Variants in KCTD20 observed in about 807,000 individuals in gnomAD.
KCTD20 encodes potassium channel tetramerization domain containing 20, also known as BTB/POZ domain-containing protein KCTD20.
Under a neutral mutation model 39.6 loss-of-function variants are expected in KCTD20, and 30 were observed. That is an observed-to-expected ratio of 0.76 (90% CI 0.57 to 1.03). The LOEUF is 1.03. Ranked by LOEUF, KCTD20 falls within the 50% of genes least tolerant of loss-of-function variation. KCTD20 has a pLI of 0.00. For missense variants in KCTD20, 422 were observed against 522.0 expected, an observed-to-expected ratio of 0.81 and a Z score of 1.87; for synonymous variants, 162 against 180.6, an observed-to-expected ratio of 0.90 and a Z score of 0.83.
intron 2 of KCTD20, among the ~76,000 whole-genome samples, chr6:36,472,445 A>C (rs1015750774): frequency 6.6e-6 from 1 of 152,156 alleles, no homozygotes; most frequent in Non-Finnish European, 1.5e-5. Flanking sequence ...AATCAGACTA[A>C]TTTCCCAGAG....
chr6:36,474,683 T>C lies in KCTD20; in HGVS notation c.161-106T>C. ...TTTTTTTGCCTGTGAACATCTAAAA[T>C]TTGGGGGTTTTTTGTTTGTTTACTT... On this transcript the variant is annotated intron_variant, in intron 2 of 7. Coordinates refer to ENST00000373731, the MANE Select transcript of KCTD20 (RefSeq NM_173562.5). 5 of 1,067,726 alleles carry C rather than the reference T, an allele frequency of 4.7e-6. 1 individual carries two copies. The South Asian group carries it at 9.8e-5, about 21-fold the overall frequency. 66.1% of individuals were successfully genotyped at this position (1,067,726 alleles called of 1,614,324 possible). A position where few individuals can be genotyped will look rare whatever the true frequency, so the allele number is the denominator to read the frequency against.
At chr6:36,447,212 T>C (rs1775074700) in intron 1 of KCTD20, among the ~76,000 whole-genome samples, 1 of 152,238 alleles carries the variant, frequency 6.6e-6, no homozygotes, top group African/African-American at 2.4e-5. Context: ...GTCTCTGAAA[T>C]AGACAATAAT....
At chr6:36,482,262 C>T (rs956370980) in intron 6 of KCTD20, among the ~76,000 whole-genome samples, 8 of 152,068 alleles carry the variant, frequency 5.3e-5, no homozygotes, top group African/African-American at 1.7e-4. Flanking sequence ...CAAAAATCTT[C>T]GACATTCTGG....
chr6:36,479,855 G>A (rs1418615161), intron 5 of KCTD20, 144 bp downstream of exon 5: 12 of 667,344 alleles, frequency 1.8e-5, no homozygotes, highest in East Asian at 1.1e-4. Flanking sequence ...GCAGTGGCAC[G>A]ATCTCGGCTT....
chr6:36,471,631 T>C (rs145934095), intron 2 of KCTD20, among the ~76,000 whole-genome samples: 1 of 152,290 alleles, frequency 6.6e-6, no homozygotes, highest in African/African-American at 2.4e-5. Flanking sequence ...ATGATTTCTA[T>C]ATGTGTATTA....
chr6:36,458,733 G>A (rs889050915), intron 1 of KCTD20, among the ~76,000 whole-genome samples: 3 of 151,622 alleles, frequency 2.0e-5, no homozygotes, highest in African/African-American at 7.3e-5. Context: ...GGCCATGCCT[G>A]TAATCCCAAC....
chr6:36,462,014 T>C (rs929786889), intron 1 of KCTD20, among the ~76,000 whole-genome samples: 2 of 152,174 alleles, frequency 1.3e-5, no homozygotes, highest in Admixed American at 6.6e-5. Context: ...TCCACAGATA[T>C]CCTTTGAATT....
At chr6:36,449,674 A>G (rs1226330750) in intron 1 of KCTD20, among the ~76,000 whole-genome samples, 1 of 152,054 alleles carries the variant, frequency 6.6e-6, no homozygotes, top group East Asian at 1.9e-4. Flanking sequence ...TCATCTTCAC[A>G]TTGTCATCCC....
At chr6:36,472,194 C>A (rs1775932215) in intron 2 of KCTD20, among the ~76,000 whole-genome samples, 1 of 152,160 alleles carries the variant, frequency 6.6e-6, no homozygotes, top group African/African-American at 2.4e-5. Context: ...CGTGTGAAAG[C>A]CTATCCTGGT....
rs1350507663 is a variant in KCTD20 at position 36,479,622 on chromosome 6, C to T, written c.569C>T (p.Pro190Leu). ...TACAAAACCGGTATCATCAATTGTC[C>T]TGATGGCATCTCTATCCCAGATCTT... The part of the protein sequence containing the change: ...DYYKTGIINC[P>L]DGISIPDLRD... Residue 190 changes from proline to leucine, a missense_variant, in exon 5 of 8, where the codon CCT becomes CTT. Pro to Leu is a moderately conservative substitution (Grantham distance 98, BLOSUM62 -3). Coordinates refer to ENST00000373731, the MANE Select transcript of KCTD20 (RefSeq NM_173562.5). 6 of 1,609,098 alleles carry T rather than the reference C, an allele frequency of 3.7e-6. No homozygotes were observed.
At chr6:36,474,112 T>A (rs1388840879) in intron 2 of KCTD20, among the ~76,000 whole-genome samples, 1 of 152,134 alleles carries the variant, frequency 6.6e-6, no homozygotes, top group East Asian at 1.9e-4. Flanking sequence ...TTAGGGTACA[T>A]GTGCACATTG....
At chr6:36,485,961 G>C (rs1776408203) in intron 7 of KCTD20, among the ~76,000 whole-genome samples, 1 of 152,058 alleles carries the variant, frequency 6.6e-6, no homozygotes, top group African/African-American at 2.4e-5. Context: ...CTGGAGTACA[G>C]TGACACAATC....
intron 2 of KCTD20, among the ~76,000 whole-genome samples, chr6:36,473,282 G>A (rs1228352092): frequency 2.0e-5 from 3 of 151,696 alleles, no homozygotes; most frequent in Admixed American, 6.6e-5. Flanking sequence ...GGATGGTCTC[G>A]ATCTCCTGAC....
intron 5 of KCTD20, among the ~76,000 whole-genome samples, chr6:36,480,597 T>G (rs1776214818): frequency 6.6e-6 from 1 of 152,028 alleles, no homozygotes; most frequent in African/African-American, 2.4e-5. Flanking sequence ...AGTCTCGTTC[T>G]GTCGCCCAGG....
At chr6:36,446,368 G>A (rs879495745) in intron 1 of KCTD20, among the ~76,000 whole-genome samples, 2 of 152,146 alleles carry the variant, frequency 1.3e-5, no homozygotes, top group Non-Finnish European at 2.9e-5. Context: ...TAAAGGCTTA[G>A]ATAACTACTT....
At chr6:36,444,720 A>C (rs1164508905) in intron 1 of KCTD20, among the ~76,000 whole-genome samples, 9 of 152,232 alleles carry the variant, frequency 5.9e-5, no homozygotes, top group Admixed American at 5.9e-4. Context: ...GCACTGTAGT[A>C]GGCTGTTTTA....
chr6:36,480,056 T>C (rs1220847092), intron 5 of KCTD20, among the ~76,000 whole-genome samples: 2 of 152,054 alleles, frequency 1.3e-5, no homozygotes, highest in Non-Finnish European at 2.9e-5. Context: ...AGCCTCCCAA[T>C]GTGCTGGGAT....
chr6:36,458,287 C>T (rs1775496430), intron 1 of KCTD20, among the ~76,000 whole-genome samples: 1 of 151,818 alleles, frequency 6.6e-6, no homozygotes, highest in Admixed American at 6.6e-5. Flanking sequence ...CCTGTAATCC[C>T]AGCATTTTTG....
Position 36,489,046 on chromosome 6 carries a change from C to T in KCTD20, c.*1871C>T, listed in dbSNP as rs180680530. 5 of 152,758 alleles carry T rather than the reference C, an allele frequency of 3.3e-5. No individual in the cohort carries two copies. Among genetic ancestry groups the T allele is most frequent in the African/African-American group, 1.2e-4 (5 of 41,574 alleles). 9.5% of individuals were successfully genotyped at this position (152,758 alleles called of 1,614,324 possible). On this transcript the variant is annotated 3_prime_UTR_variant, in exon 8 of 8. Transcript: ENST00000373731. Reference sequence around the variant, plus strand: ...TATTTGAGGTTAGGTGTGGCCTTGACCTTACCAGTACATTTATACCCACTA... The same window carrying T: ...TATTTGAGGTTAGGTGTGGCCTTGATCTTACCAGTACATTTATACCCACTA...
Sources: gnomAD v4.1 joint callset for allele counts (sites outside exome capture counted in the v4.1 genomes callset) on GRCh38, gnomAD v4.1.1 for gene constraint, MANE v1.5 for transcripts, NCBI Gene and HGNC (gene_info 2026-07-23, HGNC 2026-07-21) for gene names.